ITGA1: variants seen among roughly 807,000 people sequenced by gnomAD.
The protein encoded by ITGA1 is integrin subunit alpha 1, also known as integrin alpha-1.
A neutral mutation model predicts 145.9 loss-of-function variants in ITGA1; 85 were observed. The observed-to-expected ratio is 0.58, with a 90% CI of 0.49 to 0.70. The LOEUF (loss-of-function observed/expected upper bound fraction) is 0.70. Ranked by LOEUF, ITGA1 falls within the 30% of genes least tolerant of loss-of-function variation. The pLI is 0.00. For missense variants in ITGA1, 1,351 were observed against 1,418.7 expected, an observed-to-expected ratio of 0.95 and a Z score of 0.77; for synonymous variants, 520 against 495.3, an observed-to-expected ratio of 1.05 and a Z score of -0.66.
At chr5:52,809,585 C>T (rs1359403786) in intron 1 of ITGA1, among the ~76,000 whole-genome samples, 1 of 151,192 alleles carries the variant, frequency 6.6e-6, no homozygotes, top group Non-Finnish European at 1.5e-5. Flanking sequence ...GGCTCACTGC[C>T]CCTCTGCCTC....
chr5:52,927,789 T>C, intron 20 of ITGA1, 125 bp downstream of exon 20: 3 of 639,918 alleles, frequency 4.7e-6, no homozygotes, highest in Admixed American at 2.8e-5. Context: ...CAGTTCAAAA[T>C]TGTGACAGAT....
intron 1 of ITGA1, among the ~76,000 whole-genome samples, chr5:52,819,467 A>G (rs1181232538): frequency 6.6e-6 from 1 of 152,106 alleles, no homozygotes; most frequent in East Asian, 1.9e-4. Context: ...GTCTGTTCAT[A>G]TCCTCTGCCC....
At chr5:52,810,750 A>T (rs1304513951) in intron 1 of ITGA1, among the ~76,000 whole-genome samples, 3 of 125,220 alleles carry the variant, frequency 2.4e-5, no homozygotes, top group East Asian at 2.3e-4. Flanking sequence ...CTCCTTATCT[A>T]AAACTTAATA....
chr5:52,814,552 T>C (rs1748735015), intron 1 of ITGA1, among the ~76,000 whole-genome samples: 1 of 152,174 alleles, frequency 6.6e-6, no homozygotes, highest in Non-Finnish European at 1.5e-5. Flanking sequence ...TCCTATAAAT[T>C]ACGTAATCAT....
chr5:52,910,054 C>CT, intron 13 of ITGA1, 108 bp from the exon 14 acceptor site: 1 of 1,070,648 alleles, frequency 9.3e-7, no homozygotes, highest in Non-Finnish European at 1.4e-6. Context: ...AACTTTACCA[C>CT]TAATGTACAA....
At chr5:52,878,384 T>C (rs1334087676) in intron 6 of ITGA1, among the ~76,000 whole-genome samples, 3 of 152,208 alleles carry the variant, frequency 2.0e-5, no homozygotes, top group Non-Finnish European at 2.9e-5. Context: ...GATGTAAAAT[T>C]TAAAGCACTG....
chr5:52,926,363 G>A (rs1750808698), intron 19 of ITGA1, among the ~76,000 whole-genome samples: 1 of 152,102 alleles, frequency 6.6e-6, no homozygotes, highest in Non-Finnish European at 1.5e-5. Flanking sequence ...AGCACTTTGG[G>A]AGACCGAGGC....
chr5:52,915,345 C>T (rs1371621676), intron 14 of ITGA1, 119 bp from the exon 15 acceptor site: 2 of 1,065,656 alleles, frequency 1.9e-6, no homozygotes, highest in Non-Finnish European at 2.7e-6. Context: ...ACCTCTTGGG[C>T]GGATTCCCAA....
At chr5:52,858,552 T>G (rs540690616) in intron 2 of ITGA1, among the ~76,000 whole-genome samples, 1 of 152,250 alleles carries the variant, frequency 6.6e-6, no homozygotes, top group Non-Finnish European at 1.5e-5. Context: ...AAAATATTGT[T>G]AATAAACATT....
intron 1 of ITGA1, among the ~76,000 whole-genome samples, chr5:52,816,537 G>A (rs1748778280): frequency 6.6e-6 from 1 of 152,128 alleles, no homozygotes; most frequent in South Asian, 2.1e-4. Context: ...GAGGCTGGGG[G>A]CTACTGAATG....
chr5:52,790,333 C>T lies in ITGA1; in HGVS notation c.61+1919C>T, dbSNP rs141257322. On this transcript the variant is annotated intron_variant, in intron 1 of 28. Transcript: ENST00000282588. ...ACTGCCCTAATCCAACACCCTCTCT[C>T]TATCTCCTACTACTCCTATGTCAGT... is the stretch of plus-strand genomic sequence containing the variant. 2.9e-3 allele frequency among the ~76,000 whole-genome samples: 436 copies of T among 152,348 alleles called. 2 individuals carry two copies. Among genetic ancestry groups the T allele is most frequent in the African/African-American group, 9.6e-3 (399 of 41,578 alleles).
At chr5:52,929,433 C>T (rs185465426) in intron 20 of ITGA1, among the ~76,000 whole-genome samples, 192 bp from the exon 21 acceptor site, 1 of 152,198 alleles carries the variant, frequency 6.6e-6, no homozygotes, top group African/African-American at 2.4e-5. Context: ...GGTAGACATT[C>T]ACATTGAAAA....
At position 52,959,058 on chromosome 5, in the gene ITGA1, G is replaced by T. The variant is rs1012904453; in HGVS notation, c.*6607G>T. The stretch of plus-strand genomic sequence containing the variant: ...TAAAAAAGCATTTTGAATGTCCTAT[G>T]TATGGCATATCCTGTACACCAATTG... On this transcript the variant is annotated 3_prime_UTR_variant, in exon 29 of 29. Coordinates refer to ENST00000282588, the MANE Select transcript of ITGA1 (RefSeq NM_181501.2). 3 of 152,146 alleles carry T rather than the reference G, an allele frequency of 2.0e-5. No homozygotes were observed. Among genetic ancestry groups the T allele is most frequent in the Non-Finnish European group, 2.9e-5 (2 of 68,010 alleles). The allele number at this position is 152,146 out of a possible 1,614,324, so 9.4% of individuals were successfully genotyped here. A position where few individuals can be genotyped will look rare whatever the true frequency, so the allele number is the denominator to read the frequency against.
rs181398202 is a variant in ITGA1, at chr5:52,801,128, A to T, written c.61+12714A>T. On this transcript the variant is annotated intron_variant, in intron 1 of 28. Transcript: ENST00000282588. ...CGGTCCAAATTTCTTCAGGTAAAAC[A>T]ATCTTACCCAGGGATAATTAAGAAT... 158 of 1,586,446 alleles carry T rather than the reference A, an allele frequency of 1.0e-4. No homozygotes were observed. In the East Asian group the frequency reaches 2.3e-3, roughly 23 times the overall value.
intron 1 of ITGA1, among the ~76,000 whole-genome samples, chr5:52,828,084 C>G (rs1748997982): frequency 6.6e-6 from 1 of 152,072 alleles, no homozygotes; most frequent in Admixed American, 6.6e-5. Context: ...ACCTTTTTGG[C>G]TATTGTGAAT....
chr5:52,893,459 C>T (rs1750181102), intron 8 of ITGA1, among the ~76,000 whole-genome samples: 1 of 152,144 alleles, frequency 6.6e-6, no homozygotes, highest in South Asian at 2.1e-4. Context: ...CAAAATTGCC[C>T]TTTATATTTT....
rs1751283785 is a variant in ITGA1 at position 52,955,136 on chromosome 5, T to C, written c.*2685T>C. 6.8e-6 allele frequency: 1 copy of C among 146,658 alleles called. No individual in the cohort carries two copies. The highest frequency in any genetic ancestry group is 2.5e-5 in the African/African-American group (1 of 40,330). 9.1% of individuals were successfully genotyped at this position (146,658 alleles called of 1,614,324 possible). On this transcript the variant is annotated 3_prime_UTR_variant, in exon 29 of 29. Transcript: ENST00000282588. ...ACTACAATGGTATATTGGTAAATTA[T>C]TTAACAACACACTGTCCAGGAGGGA...
chr5:52,922,244 T>TGGG (rs1292720054), intron 17 of ITGA1, among the ~76,000 whole-genome samples: 2 of 152,116 alleles, frequency 1.3e-5, no homozygotes, highest in Non-Finnish European at 2.9e-5. Flanking sequence ...GAGGTTGCAG[T>TGGG]GAGCCGAGAT....
At chr5:52,878,877 T>C (rs1423161218) in intron 6 of ITGA1, among the ~76,000 whole-genome samples, 1 of 151,392 alleles carries the variant, frequency 6.6e-6, no homozygotes, top group African/African-American at 2.4e-5. Context: ...AAGTGAGTCA[T>C]TGGAGGGAAA....
Sources: gnomAD v4.1 joint callset for allele counts (sites outside exome capture counted in the v4.1 genomes callset) on GRCh38, gnomAD v4.1.1 for gene constraint, MANE v1.5 for transcripts, NCBI Gene and HGNC (gene_info 2026-07-23, HGNC 2026-07-21) for gene names.